GALNT5: variants seen among roughly 807,000 people sequenced by gnomAD.
The protein encoded by GALNT5 is polypeptide N-acetylgalactosaminyltransferase 5.
A neutral mutation model predicts 85.4 loss-of-function variants in GALNT5; 72 were observed. The ratio of observed to expected loss-of-function variants is 0.84; its 90% CI spans 0.70 to 1.03. The LOEUF is 1.03. Among genes scored for constraint, GALNT5 ranks in the 50% least tolerant of loss-of-function variants. GALNT5 has a pLI of 0.00. For missense variants in GALNT5, 1,137 were observed against 1,135.5 expected (o/e 1.00, Z -0.02); for synonymous variants, 404 against 397.0 (o/e 1.02, Z -0.21).
chr2:157,280,144 A>G (rs878935696), intron 1 of GALNT5, among the ~76,000 whole-genome samples: 3 of 152,190 alleles, frequency 2.0e-5, no homozygotes, highest in African/African-American at 7.2e-5. Context: ...GCTAAAAGAC[A>G]TGGTTCTCCA....
chr2:157,273,149 G>T (rs545539061), intron 1 of GALNT5, among the ~76,000 whole-genome samples: 1 of 151,954 alleles, frequency 6.6e-6, no homozygotes, highest in Admixed American at 6.6e-5. Flanking sequence ...CAATTCTCTC[G>T]TTGGGAAACT....
intron 1 of GALNT5, among the ~76,000 whole-genome samples, chr2:157,260,529 TATG>T (rs1460957894): frequency 3.9e-5 from 6 of 152,220 alleles, no homozygotes; most frequent in Admixed American, 3.9e-4. Context: ...TCAACAGCCG[TATG>T]TTCAATATCT....
intron 1 of GALNT5, among the ~76,000 whole-genome samples, chr2:157,264,598 T>G (rs1682418084): frequency 7.4e-6 from 1 of 134,756 alleles, no homozygotes; most frequent in Non-Finnish European, 1.5e-5. Flanking sequence ...TAAAGAAAGG[T>G]TTTTTTTTGG....
Position 157,305,765 on chromosome 2 carries a change from T to C in GALNT5, c.2456T>C (p.Leu819Ser), listed in dbSNP as rs766049621. The part of the protein sequence containing the change: ...RASGVLINVA[L>S]GKCISIENTT... ...GCTTTTTAGCTTATTAATGTGGCTT[T>C]GGGTAAATGCATTTCCATTGAAAAC... The change falls in exon 8 of 10, where the codon TTG becomes TCG. Residue 819 changes from leucine (L) to serine (S), a missense_variant. Coordinates refer to ENST00000259056, the MANE Select transcript of GALNT5 (RefSeq NM_014568.3). 1.9e-6 allele frequency: 3 copies of C among 1,603,576 alleles called. No homozygotes were observed. Among genetic ancestry groups the C allele is most frequent in the Non-Finnish European group, 2.6e-6 (3 of 1,170,624 alleles).
chr2:157,258,426 A>T lies in GALNT5; in HGVS notation c.344A>T (p.Gln115Leu), dbSNP rs938848668. The T allele has an allele frequency of 6.2e-7, 1 of 1,610,038 alleles. No homozygotes were observed. Among genetic ancestry groups the T allele is most frequent in the African/African-American group, 1.3e-5 (1 of 74,570 alleles). Reference protein sequence around the residue: ...LDQTQRERKMQNALGRGKVVP... With the variant: ...LDQTQRERKMLNALGRGKVVP... Reference sequence around the variant, plus strand: ...CAAACCCAGAGGGAAAGAAAAATGCAGAATGCCCTGGGAAGGGGCAAGGTT... The same window carrying T: ...CAAACCCAGAGGGAAAGAAAAATGCTGAATGCCCTGGGAAGGGGCAAGGTT... The change falls in exon 1 of 10, where the codon CAG becomes CTG. Residue 115 changes from glutamine (Q) to leucine (L), a missense_variant. Transcript: ENST00000259056.
At chr2:157,304,169 C>T (rs1266563229) in intron 7 of GALNT5, among the ~76,000 whole-genome samples, 4 of 152,308 alleles carry the variant, frequency 2.6e-5, no homozygotes, top group African/African-American at 9.6e-5. Flanking sequence ...TCATGTCTTT[C>T]TATTCACCTT....
At chr2:157,308,793 A>G in intron 9 of GALNT5, 65 bp downstream of exon 9, 1 of 1,295,256 alleles carries the variant, frequency 7.7e-7, no homozygotes, top group South Asian at 1.4e-5. Flanking sequence ...AGGACATAAA[A>G]TTCTCATTGT....
At chr2:157,276,454 T>C (rs571334494) in intron 1 of GALNT5, among the ~76,000 whole-genome samples, 1 of 152,346 alleles carries the variant, frequency 6.6e-6, no homozygotes, top group South Asian at 2.1e-4. Context: ...CATCTGGTCC[T>C]GGACTTTTTT....
intron 8 of GALNT5, 125 bp from the exon 9 acceptor site, chr2:157,308,442 G>T: frequency 1.5e-6 from 1 of 681,466 alleles, no homozygotes; most frequent in South Asian, 2.1e-5. Flanking sequence ...GATAATACCA[G>T]GACTTGAATA....
At position 157,305,829 on chromosome 2, in the gene GALNT5, G is replaced by A. The variant is rs200907536; in HGVS notation, c.2520G>A (p.Glu840=). 135 of 1,572,346 alleles carry A rather than the reference G, an allele frequency of 8.6e-5. No homozygotes were observed. Residue 840 remains glutamate (E), a splice_region_variant and synonymous_variant, in exon 8 of 10, where the codon GAG becomes GAA. Coordinates refer to ENST00000259056, the MANE Select transcript of GALNT5 (RefSeq NM_014568.3). The stretch of plus-strand genomic sequence containing the variant: ...TGGAAGACTGCGATGGGAGCAAAGA[G>A]GTATGCTAAACTGTTTTCTATCTCA... ...VILEDCDGSK[E]LQQFNYTWLR...
intron 1 of GALNT5, among the ~76,000 whole-genome samples, chr2:157,261,453 C>G (rs1040772876): frequency 6.6e-6 from 1 of 152,178 alleles, no homozygotes; most frequent in Non-Finnish European, 1.5e-5. Flanking sequence ...AGGAGGTTGT[C>G]CCAACTGTAG....
chr2:157,303,918 A>G (rs1683400771), intron 7 of GALNT5, among the ~76,000 whole-genome samples: 1 of 152,230 alleles, frequency 6.6e-6, no homozygotes, highest in South Asian at 2.1e-4. Flanking sequence ...ACATTTGAGA[A>G]ACATTTGTAC....
At chr2:157,286,894 G>GTGTGTT (rs1491435536) in intron 3 of GALNT5, among the ~76,000 whole-genome samples, 1 of 35,192 alleles carries the variant, frequency 2.8e-5, no homozygotes, top group African/African-American at 2.7e-4. Context: ...TTAAATACCA[G>GTGTGTT]TGTGTGTGTG....
rs191365040 is a variant in GALNT5, at chr2:157,257,718, C to G, written c.-365C>G. ...AACGGCAGTCTCAATCTGGCCCCCA[C>G]CTTTTCTTGGGCTTGTAGGAAGGTG... On this transcript the variant is annotated 5_prime_UTR_variant, in exon 1 of 10. Transcript: ENST00000259056. The G allele has an allele frequency of 4.1e-3, 910 of 222,170 alleles. 5 individuals are homozygous for G. Among genetic ancestry groups the G allele is most frequent in the Non-Finnish European group, 4.6e-3 (512 of 112,074 alleles). 13.8% of individuals were successfully genotyped at this position (222,170 alleles called of 1,614,324 possible). A position where few individuals can be genotyped will look rare whatever the true frequency, so the allele number is the denominator to read the frequency against.
Position 157,300,870 on chromosome 2 carries a change from A to C in GALNT5, c.2310A>C (p.Gln770His). The change falls in exon 7 of 10, where the codon CAA (glutamine) becomes CAC (histidine). Residue 770 changes from glutamine to histidine, a missense_variant. Transcript: ENST00000259056. ...FYGHGDHLIDQGLDVGNLTQQ... is the reference protein window; with the variant it reads ...FYGHGDHLIDHGLDVGNLTQQ... ...GCCACGGAGACCACCTCATCGACCAAGGGCTAGATGTTGGCAACCTCACCC... is the reference window on the plus strand; with the variant it reads ...GCCACGGAGACCACCTCATCGACCACGGGCTAGATGTTGGCAACCTCACCC... 2 of 1,614,016 alleles carry C rather than the reference A, an allele frequency of 1.2e-6. No homozygotes were observed. The highest frequency in any genetic ancestry group is 1.1e-5 in the South Asian group (1 of 91,082).
rs1354871805 is a variant in GALNT5, at chr2:157,312,447, A to G, written c.*1099A>G. The G allele has an allele frequency of 6.6e-6, 1 of 152,058 alleles. No individual in the cohort carries two copies. Among genetic ancestry groups the G allele is most frequent in the African/African-American group, 2.4e-5 (1 of 41,424 alleles). 9.4% of individuals were successfully genotyped at this position (152,058 alleles called of 1,614,324 possible). ...AAAATTCCGCTGGACTTGGCCAAAG[A>G]AAGAAGGGGATCTAGTATCTCTATG... On this transcript the variant is annotated 3_prime_UTR_variant, in exon 10 of 10. Coordinates refer to ENST00000259056, the MANE Select transcript of GALNT5 (RefSeq NM_014568.3).
chr2:157,304,626 T>G (rs923131187), intron 7 of GALNT5, among the ~76,000 whole-genome samples: 1 of 152,214 alleles, frequency 6.6e-6, no homozygotes, highest in African/African-American at 2.4e-5. Flanking sequence ...AGACCTGAAT[T>G]CCAGATTTTT....
intron 3 of GALNT5, 77 bp downstream of exon 3, chr2:157,286,211 G>A: frequency 8.1e-7 from 1 of 1,230,390 alleles, no homozygotes; most frequent in Non-Finnish European, 1.2e-6. Context: ...CAGCAAATGT[G>A]AAAGACCAGC....
chr2:157,283,787 T>A (rs75837002), intron 1 of GALNT5, among the ~76,000 whole-genome samples: 4 of 152,314 alleles, frequency 2.6e-5, no homozygotes, highest in Non-Finnish European at 4.4e-5. Flanking sequence ...CCAGGAACCC[T>A]GCTAGGCTTT....
Sources: gnomAD v4.1 joint callset for allele counts (sites outside exome capture counted in the v4.1 genomes callset) on GRCh38, gnomAD v4.1.1 for gene constraint, MANE v1.5 for transcripts, NCBI Gene and HGNC (gene_info 2026-07-23, HGNC 2026-07-21) for gene names.